CA6: variants seen among roughly 807,000 people sequenced by gnomAD.
The protein encoded by CA6 is carbonate dehydratase VI.
In CA6, 28 loss-of-function variants were observed where a neutral mutation model predicts 35.9. The ratio of observed to expected loss-of-function variants is 0.78; its 90% CI spans 0.58 to 1.07. CA6 has a LOEUF of 1.07. Ranked by LOEUF, CA6 falls within the 50% of genes least tolerant of loss-of-function variation. The pLI is 0.00. For missense variants in CA6, 377 were observed against 382.0 expected (o/e 0.99, Z 0.11); for synonymous variants, 148 against 152.6 (o/e 0.97, Z 0.22).
intron 2 of CA6, among the ~76,000 whole-genome samples, chr1:8,954,119 TG>T (rs1557622825): frequency 6.6e-6 from 1 of 151,556 alleles, no homozygotes; most frequent in Non-Finnish European, 1.5e-5. Flanking sequence ...GGCAACCAGC[TG>T]CCCTTGGGGC....
At chr1:8,969,780 CAG>C (rs1640060458) in intron 6 of CA6, among the ~76,000 whole-genome samples, 1 of 151,958 alleles carries the variant, frequency 6.6e-6, no homozygotes, top group Non-Finnish European at 1.5e-5. Flanking sequence ...TATTATTAGA[CAG>C]AGAGTTGATT....
In CA6 at chr1:8,974,673, T is replaced by A. The variant is rs942150419; in HGVS notation, c.896T>A (p.Ile299Asn). 1.9e-6 allele frequency: 3 copies of A among 1,604,796 alleles called. No homozygotes were observed. The African/African-American group carries it at 4.0e-5, about 22-fold the overall frequency. ...TTTTACCTACATAAGATTGAGGAAA[T>A]TCTTGACTACTTAAGAAGAGCATTG... is the stretch of plus-strand genomic sequence containing the variant. ...FQFYLHKIEE[I>N]LDYLRRALN Residue 299 changes from isoleucine (I) to asparagine (N), a missense_variant, in exon 8 of 8, where the codon ATT (isoleucine) becomes AAT (asparagine). Transcript: ENST00000377443.
At chr1:8,959,911 A>G (rs1639791529) in intron 4 of CA6, among the ~76,000 whole-genome samples, 3 of 137,988 alleles carry the variant, frequency 2.2e-5, no homozygotes, top group Non-Finnish European at 4.6e-5. Flanking sequence ...CAGCGTGGGC[A>G]ATAAAGCTAG....
At chr1:8,954,287 C>T (rs972189024) in intron 2 of CA6, among the ~76,000 whole-genome samples, 1 of 151,906 alleles carries the variant, frequency 6.6e-6, no homozygotes, top group African/African-American at 2.4e-5. Context: ...GCCTCAGCCT[C>T]CCAAGTAGCT....
chr1:8,957,088 C>G (rs1413984714), intron 2 of CA6, 49 bp from the exon 3 acceptor site: 26 of 1,522,228 alleles, frequency 1.7e-5, no homozygotes, highest in Non-Finnish European at 1.9e-5. Flanking sequence ...GTAGGCCTGA[C>G]CCCTCTGTGT....
At chr1:8,961,177 A>G (rs1370353940) in intron 4 of CA6, among the ~76,000 whole-genome samples, 2 of 152,230 alleles carry the variant, frequency 1.3e-5, no homozygotes, top group Non-Finnish European at 2.9e-5. Context: ...TAGCCGGTCT[A>G]TCTTACAAGT....
chr1:8,973,288 G>T (rs1387023052), intron 7 of CA6, among the ~76,000 whole-genome samples: 2 of 152,206 alleles, frequency 1.3e-5, no homozygotes, highest in African/African-American at 2.4e-5. Flanking sequence ...CAAATTGCTG[G>T]GATTACAGGT....
intron 6 of CA6, 104 bp from the exon 7 acceptor site, chr1:8,970,763 A>C: frequency 1.3e-6 from 1 of 777,632 alleles, no homozygotes; most frequent in Non-Finnish European, 2.3e-6. Context: ...AGCCTCCCAA[A>C]ATGCTGGGAT....
At chr1:8,951,193 G>A (rs557560237) in intron 2 of CA6, among the ~76,000 whole-genome samples, 19 of 150,938 alleles carry the variant, frequency 1.3e-4, no homozygotes, top group African/African-American at 4.4e-4. Flanking sequence ...CCCAGCCTGG[G>A]CAACAAGAGC....
chr1:8,964,113 A>G (rs1639909071), intron 5 of CA6, among the ~76,000 whole-genome samples: 1 of 152,146 alleles, frequency 6.6e-6, no homozygotes, highest in Admixed American at 6.6e-5. Flanking sequence ...CTTCAGCTGC[A>G]ACGGATGACA....
chr1:8,962,491 C>G, intron 4 of CA6, 96 bp from the exon 5 acceptor site: 1 of 1,016,258 alleles, frequency 9.8e-7, no homozygotes, highest in Non-Finnish European at 1.6e-6. Context: ...TCTCTAGGCT[C>G]GGCCCAATCC....
At chr1:8,971,231 A>G (rs1206391063) in intron 7 of CA6, among the ~76,000 whole-genome samples, 1 of 151,942 alleles carries the variant, frequency 6.6e-6, no homozygotes, top group Non-Finnish European at 1.5e-5. Context: ...TTACCTACCT[A>G]GTCTTGGCTA....
At chr1:8,964,262 T>G (rs4908798) in intron 5 of CA6, among the ~76,000 whole-genome samples, 1 of 151,856 alleles carries the variant, frequency 6.6e-6, no homozygotes, top group East Asian at 1.9e-4. Flanking sequence ...TCTTTTTTCT[T>G]TTTGGAGATG....
At chr1:8,960,993 GA>G (rs1166643580) in intron 4 of CA6, among the ~76,000 whole-genome samples, 8 of 152,120 alleles carry the variant, frequency 5.3e-5, no homozygotes, top group Admixed American at 3.9e-4. Context: ...AGCAGCAAGA[GA>G]AAAGGGATTT....
intron 7 of CA6, among the ~76,000 whole-genome samples, chr1:8,973,766 T>C (rs1557635684): frequency 4.6e-5 from 1 of 21,614 alleles, no homozygotes. Context: ...CTTTCTTTCT[T>C]TCTTTCTTTC....
At chr1:8,949,655 C>G (rs1375837493) in intron 2 of CA6, among the ~76,000 whole-genome samples, 1 of 152,102 alleles carries the variant, frequency 6.6e-6, no homozygotes, top group Non-Finnish European at 1.5e-5. Context: ...TTCGACTCAA[C>G]TCCCTGCTGG....
intron 1 of CA6, 78 bp downstream of exon 1, chr1:8,946,043 T>TTTC: frequency 5.0e-5 from 17 of 341,920 alleles, no homozygotes; most frequent in Non-Finnish European, 7.5e-5. Flanking sequence ...CTTCTTCTTC[T>TTTC]TTTTTTTTTT....
chr1:8,957,010 C>A, intron 2 of CA6, 127 bp from the exon 3 acceptor site: 1 of 767,762 alleles, frequency 1.3e-6, no homozygotes, highest in Non-Finnish European at 1.9e-6. Flanking sequence ...GCATTCTAAG[C>A]CAGTCTATGG....
At chr1:8,949,513 C>T (rs1639466548) in intron 2 of CA6, 71 bp downstream of exon 2, 1 of 1,332,670 alleles carries the variant, frequency 7.5e-7, no homozygotes, top group African/African-American at 1.5e-5. Flanking sequence ...TACACGTGTC[C>T]CTGCCAGGAA....
Sources: gnomAD v4.1 joint callset for allele counts (sites outside exome capture counted in the v4.1 genomes callset) on GRCh38, gnomAD v4.1.1 for gene constraint, MANE v1.5 for transcripts, NCBI Gene and HGNC (gene_info 2026-07-23, HGNC 2026-07-21) for gene names.